Variants in ROS1 observed in about 807,000 individuals in gnomAD.
The protein encoded by ROS1 is ROS proto-oncogene 1, receptor tyrosine kinase, also known as proto-oncogene tyrosine-protein kinase ROS.
A neutral mutation model predicts 273.5 loss-of-function variants in ROS1; 263 were observed. The ratio of observed to expected loss-of-function variants is 0.96; its 90% CI spans 0.87 to 1.06. The LOEUF (loss-of-function observed/expected upper bound fraction) is 1.06, where lower values mean the gene tolerates loss of function less well. Ranked by LOEUF, ROS1 falls within the 50% of genes least tolerant of loss-of-function variation. The pLI, the probability that ROS1 is intolerant of heterozygous loss-of-function variation, is 0.00. For synonymous variants in ROS1, 1,008 were observed against 954.1 expected (o/e 1.06, Z -1.04); for missense variants, 2,833 against 2,751.1 (o/e 1.03, Z -0.67).
At chr6:117,339,557 A>T (rs1220840974) in intron 31 of ROS1, among the ~76,000 whole-genome samples, 1 of 152,104 alleles carries the variant, frequency 6.6e-6, no homozygotes, top group Non-Finnish European at 1.5e-5. Flanking sequence ...TTCAAAAGAG[A>T]CAGCACTTTC....
rs771062502 is a variant in ROS1 at position 117,324,386 on chromosome 6, T to C, written c.5569A>G (p.Ile1857Val). Reference protein sequence around the residue: ...DDFWIPETSFILTIIVGIFLV... With the variant: ...DDFWIPETSFVLTIIVGIFLV... ...AATATTCCAACTATAATAGTAAGTA[T>C]GAAACTTGTTTCTGGTATCCAAAAA... The change falls in exon 35 of 44, where the codon ATA (isoleucine) becomes GTA (valine). Residue 1857 changes from isoleucine to valine, a missense_variant. Transcript: ENST00000368507. The C allele has an allele frequency of 2.0e-5, 30 of 1,509,190 alleles. No homozygotes were observed. Among genetic ancestry groups the C allele is most frequent in the Middle Eastern group, 3.4e-4 (2 of 5,802 alleles). 93.5% of individuals were successfully genotyped at this position (1,509,190 alleles called of 1,614,324 possible).
intron 26 of ROS1, among the ~76,000 whole-genome samples, chr6:117,353,711 T>C (rs1436540244): frequency 6.6e-6 from 1 of 152,232 alleles, no homozygotes; most frequent in African/African-American, 2.4e-5. Context: ...TCAAATTTGA[T>C]ACGAACAAAT....
At chr6:117,406,417 C>A (rs1190697965) in intron 5 of ROS1, among the ~76,000 whole-genome samples, 1 of 152,080 alleles carries the variant, frequency 6.6e-6, no homozygotes, top group Non-Finnish European at 1.5e-5. Context: ...TTCATTATAA[C>A]AGACTATAGA....
At chr6:117,366,402 A>C (rs1277449105) in intron 18 of ROS1, 112 bp from the exon 19 acceptor site, 1 of 684,840 alleles carries the variant, frequency 1.5e-6, no homozygotes, top group Non-Finnish European at 2.5e-6. Context: ...ATTTGTGTAC[A>C]TTAAAATAAA....
intron 18 of ROS1, among the ~76,000 whole-genome samples, chr6:117,372,847 C>T (rs1051871614): frequency 4.6e-5 from 7 of 152,186 alleles, no homozygotes; most frequent in Non-Finnish European, 1.0e-4. Flanking sequence ...AGGATCCATT[C>T]GGGTTGCCAC....
intron 18 of ROS1, among the ~76,000 whole-genome samples, chr6:117,374,855 A>G (rs1217843440): frequency 2.6e-5 from 4 of 152,238 alleles, no homozygotes; most frequent in Non-Finnish European, 5.9e-5. Flanking sequence ...GCTGATGGGA[A>G]TGTAAACTAG....
chr6:117,393,432 A>T (rs184568582), intron 11 of ROS1, 111 bp from the exon 12 acceptor site: 1 of 719,862 alleles, frequency 1.4e-6, no homozygotes, highest in Non-Finnish European at 2.3e-6. Flanking sequence ...CTAGGCACTG[A>T]GCACTGCCCA....
chr6:117,361,931 T>C (rs1296782693), intron 22 of ROS1, among the ~76,000 whole-genome samples: 1 of 152,046 alleles, frequency 6.6e-6, no homozygotes, highest in Non-Finnish European at 1.5e-5. Context: ...AATGAGATAA[T>C]GAATACAAAA....
intron 5 of ROS1, among the ~76,000 whole-genome samples, chr6:117,404,701 G>T (rs1582867166): frequency 6.6e-6 from 1 of 152,106 alleles, no homozygotes; most frequent in Admixed American, 6.5e-5. Context: ...TGACACAGAG[G>T]GTTCTGAGCT....
intron 17 of ROS1, 29 bp downstream of exon 17, chr6:117,383,288 C>A (rs764381182): frequency 1.3e-6 from 2 of 1,549,378 alleles, no homozygotes; most frequent in South Asian, 1.1e-5. Flanking sequence ...TTCAGTATTA[C>A]TAAATGATCA....
At chr6:117,399,768 C>A (rs1443747900) in intron 7 of ROS1, among the ~76,000 whole-genome samples, 1 of 152,156 alleles carries the variant, frequency 6.6e-6, no homozygotes, top group African/African-American at 2.4e-5. Context: ...TCAGAGAATA[C>A]CCCAATATAT....
At chr6:117,340,793 T>C (rs1261202978) in intron 31 of ROS1, among the ~76,000 whole-genome samples, 1 of 152,122 alleles carries the variant, frequency 6.6e-6, no homozygotes, top group Non-Finnish European at 1.5e-5. Flanking sequence ...TTTTTCTTTC[T>C]TCAGTTCTTT....
intron 24 of ROS1, 54 bp from the exon 25 acceptor site, chr6:117,358,063 G>T: frequency 7.9e-7 from 1 of 1,270,242 alleles, no homozygotes; most frequent in Non-Finnish European, 1.1e-6. Flanking sequence ...TTTTTTATTT[G>T]AAGACTTTTC....
At chr6:117,353,225 C>A in intron 26 of ROS1, 59 bp from the exon 27 acceptor site, 1 of 1,241,666 alleles carries the variant, frequency 8.1e-7, no homozygotes, top group South Asian at 1.9e-5. Flanking sequence ...ATTTTTTACT[C>A]TAAAAATGTA....
At chr6:117,295,692 C>T (rs1774186669) in intron 43 of ROS1, among the ~76,000 whole-genome samples, 1 of 152,130 alleles carries the variant, frequency 6.6e-6, no homozygotes, top group African/African-American at 2.4e-5. Context: ...TTTGAATAGA[C>T]ATTTCTAATA....
intron 12 of ROS1, among the ~76,000 whole-genome samples, chr6:117,392,372 A>T (rs1486794213): frequency 1.3e-5 from 2 of 152,290 alleles, no homozygotes; most frequent in East Asian, 3.9e-4. Context: ...ATTCAAAATG[A>T]AAGCAACTTT....
rs1340640500 is a variant in ROS1, at chr6:117,404,287, T to C, written c.458A>G (p.Tyr153Cys). 2 of 1,613,908 alleles carry C rather than the reference T, an allele frequency of 1.2e-6. No individual in the cohort carries two copies. Among genetic ancestry groups the C allele is most frequent in the Admixed American group, 3.3e-5 (2 of 60,026 alleles). The stretch of plus-strand genomic sequence containing the variant: ...AAAGGCAGCCTTTCATACCTTAGTA[T>C]AAGTCCAGCTTCCCAGAAGTTGTGC... ...KYAQLLGSWT[Y>C]TKTVSRPSYV... Residue 153 changes from tyrosine to cysteine, a missense_variant, in exon 6 of 44, where the codon TAT (tyrosine) becomes TGT (cysteine). Transcript: ENST00000368507.
intron 21 of ROS1, among the ~76,000 whole-genome samples, chr6:117,364,853 G>T (rs1054623635): frequency 1.3e-5 from 2 of 152,132 alleles, no homozygotes; most frequent in African/African-American, 4.8e-5. Flanking sequence ...TGGCTGTTAA[G>T]AAATCTTTGA....
At chr6:117,364,299 A>G (rs188975365) in intron 21 of ROS1, among the ~76,000 whole-genome samples, 160 of 152,344 alleles carry the variant, frequency 1.1e-3, no homozygotes, top group African/African-American at 3.6e-3. Flanking sequence ...CACCTGCCAA[A>G]TCCTGTATTA....
Sources: gnomAD v4.1 joint callset for allele counts (sites outside exome capture counted in the v4.1 genomes callset) on GRCh38, gnomAD v4.1.1 for gene constraint, MANE v1.5 for transcripts, NCBI Gene and HGNC (gene_info 2026-07-23, HGNC 2026-07-21) for gene names.